MAP2K4: variants seen among roughly 807,000 people sequenced by gnomAD.
MAP2K4 encodes mitogen-activated protein kinase kinase 4, also known as dual specificity mitogen-activated protein kinase kinase 4.
A neutral mutation model predicts 48.5 loss-of-function variants in MAP2K4; 4 were observed. The observed-to-expected ratio is 0.08, with a 90% CI of 0.04 to 0.19. The LOEUF is 0.19. Among genes scored for constraint, MAP2K4 ranks in the 10% least tolerant of loss-of-function variants. MAP2K4 has a pLI of 1.00. For synonymous variants in MAP2K4, 166 were observed against 173.1 expected (o/e 0.96, Z 0.32); for missense variants, 258 against 493.3 (o/e 0.52, Z 4.52).
chr17:12,037,718 T>C (rs1040001110), intron 1 of MAP2K4, among the ~76,000 whole-genome samples: 1 of 152,256 alleles, frequency 6.6e-6, no homozygotes, highest in Admixed American at 6.5e-5. Flanking sequence ...TATTACCATT[T>C]GTGGGGACCA....
At chr17:12,107,336 G>A (rs1421586396) in intron 4 of MAP2K4, among the ~76,000 whole-genome samples, 1 of 151,606 alleles carries the variant, frequency 6.6e-6, no homozygotes, top group East Asian at 1.9e-4. Flanking sequence ...GCATTTGTAC[G>A]GGGTCTTGAG....
At chr17:12,084,868 C>T (rs1279532076) in intron 3 of MAP2K4, among the ~76,000 whole-genome samples, 5 of 152,144 alleles carry the variant, frequency 3.3e-5, no homozygotes, top group Non-Finnish European at 7.4e-5. Context: ...CTGGGAGAAA[C>T]ACCTAGCATC....
At chr17:12,060,746 TGCGC>T (rs71361419) in intron 2 of MAP2K4, among the ~76,000 whole-genome samples, 3 of 143,570 alleles carry the variant, frequency 2.1e-5, no homozygotes, top group South Asian at 2.4e-4. Flanking sequence ...TGTGTGTGTG[TGCGC>T]GCGTGTGTGT....
intron 7 of MAP2K4, among the ~76,000 whole-genome samples, chr17:12,118,869 G>GTGATGA (rs531906565): frequency 6.6e-6 from 1 of 152,118 alleles, no homozygotes; most frequent in Non-Finnish European, 1.5e-5. Flanking sequence ...TGACTATTCA[G>GTGATGA]TGATGATGAT....
At chr17:12,060,243 T>C (rs17614184) in intron 2 of MAP2K4, among the ~76,000 whole-genome samples, 25,613 of 152,108 alleles carry the variant, frequency 0.17, 2,532 homozygotes, top group South Asian at 0.3. Flanking sequence ...TCTATCCTGG[T>C]GTTGTCGTTA....
intron 7 of MAP2K4, among the ~76,000 whole-genome samples, chr17:12,114,877 A>G (rs1009531449): frequency 1.3e-5 from 2 of 152,138 alleles, no homozygotes; most frequent in African/African-American, 4.8e-5. Flanking sequence ...GAGATGTAAG[A>G]CTTCTGTTTT....
intron 7 of MAP2K4, among the ~76,000 whole-genome samples, chr17:12,121,638 A>G (rs1271620897): frequency 6.6e-6 from 1 of 151,852 alleles, no homozygotes. Context: ...TAATATATAC[A>G]GGGCTTGATC....
At chr17:12,042,554 T>C (rs1461045689) in intron 1 of MAP2K4, among the ~76,000 whole-genome samples, 2 of 152,022 alleles carry the variant, frequency 1.3e-5, no homozygotes, top group Non-Finnish European at 2.9e-5. Context: ...GGTGGGAGTA[T>C]CGCCTAAGCT....
chr17:12,025,248 T>A (rs777464883), intron 1 of MAP2K4, among the ~76,000 whole-genome samples: 2 of 152,170 alleles, frequency 1.3e-5, no homozygotes, highest in Non-Finnish European at 2.9e-5. Flanking sequence ...TTTTCTCAAC[T>A]CTCTGTTCAG....
At chr17:12,128,703 T>C (rs890243042) in intron 8 of MAP2K4, among the ~76,000 whole-genome samples, 1 of 152,202 alleles carries the variant, frequency 6.6e-6, no homozygotes, top group Admixed American at 6.5e-5. Flanking sequence ...GTTTGTTGGA[T>C]GTTCTTTTGC....
chr17:12,116,557 G>A (rs543884429), intron 7 of MAP2K4, among the ~76,000 whole-genome samples: 8 of 152,076 alleles, frequency 5.3e-5, no homozygotes, highest in Admixed American at 2.6e-4. Flanking sequence ...CTGTACAGCC[G>A]TACAAAAATA....
At chr17:12,126,280 A>C (rs1224113893) in intron 8 of MAP2K4, among the ~76,000 whole-genome samples, 1 of 152,258 alleles carries the variant, frequency 6.6e-6, no homozygotes, top group Admixed American at 6.5e-5. Context: ...AAAGCTACTT[A>C]ATTTGCAACA....
At chr17:12,029,806 G>C (rs372518017) in intron 1 of MAP2K4, among the ~76,000 whole-genome samples, 2 of 151,762 alleles carry the variant, frequency 1.3e-5, no homozygotes, top group African/African-American at 2.4e-5. Flanking sequence ...AGACATAGTG[G>C]CTTGCACCTG....
chr17:12,031,536 A>T lies in MAP2K4; in HGVS notation c.115+10535A>T, dbSNP rs570186669. On this transcript the variant is annotated intron_variant, in intron 1 of 10. Transcript: ENST00000353533. ...TGAAGGCTTTTGTTTTAATTGGCTTACTTTACTGGATGCATCTTATCAAAA... is the reference window on the plus strand; with the variant it reads ...TGAAGGCTTTTGTTTTAATTGGCTTTCTTTACTGGATGCATCTTATCAAAA... 3.9e-5 allele frequency among the ~76,000 whole-genome samples: 6 copies of T among 152,302 alleles called. No individual in the cohort carries two copies. The South Asian group carries it at 1.2e-3, about 32-fold the overall frequency.
intron 7 of MAP2K4, chr17:12,115,781 A>G: frequency 1.3e-6 from 1 of 746,114 alleles, no homozygotes; most frequent in East Asian, 2.6e-5. Flanking sequence ...TGGATTACAC[A>G]TGGCAAGTTC....
At chr17:12,097,220 A>C (rs1971784470) in intron 4 of MAP2K4, among the ~76,000 whole-genome samples, 1 of 152,208 alleles carries the variant, frequency 6.6e-6, no homozygotes, top group Non-Finnish European at 1.5e-5. Context: ...TAATTAGTTA[A>C]TTAGGGACTG....
intron 1 of MAP2K4, among the ~76,000 whole-genome samples, chr17:12,052,514 G>A (rs1463604846): frequency 6.6e-6 from 1 of 152,144 alleles, no homozygotes; most frequent in Non-Finnish European, 1.5e-5. Flanking sequence ...TATCTGGTAA[G>A]GTTAGCTACT....
At chr17:12,026,254 G>A (rs1483519079) in intron 1 of MAP2K4, among the ~76,000 whole-genome samples, 3 of 152,056 alleles carry the variant, frequency 2.0e-5, no homozygotes, top group African/African-American at 7.2e-5. Context: ...ATTTTGAGTC[G>A]TTTTCTTTTT....
At chr17:12,026,712 G>A (rs1969264618) in intron 1 of MAP2K4, among the ~76,000 whole-genome samples, 1 of 152,196 alleles carries the variant, frequency 6.6e-6, no homozygotes, top group African/African-American at 2.4e-5. Context: ...AAGCATCTTT[G>A]CCAGAAGTGA....
Sources: allele counts gnomAD v4.1 joint callset (sites outside exome capture counted in the v4.1 genomes callset), GRCh38; gene constraint gnomAD v4.1.1; transcripts MANE v1.5; gene names NCBI Gene and HGNC (gene_info 2026-07-23, HGNC 2026-07-21).